Variants in IL1RAPL1 observed in about 807,000 individuals in gnomAD.
The protein encoded by IL1RAPL1 is interleukin-1 receptor accessory protein-like 1.
A neutral mutation model predicts 48.4 loss-of-function variants in IL1RAPL1; 3 were observed. The ratio of observed to expected loss-of-function variants is 0.06; its 90% CI spans 0.03 to 0.16. The LOEUF (loss-of-function observed/expected upper bound fraction) is 0.16, where lower values mean the gene tolerates loss of function less well. Ranked by LOEUF, IL1RAPL1 falls within the 10% of genes least tolerant of loss-of-function variation. IL1RAPL1 has a pLI of 1.00. For synonymous variants in IL1RAPL1, 185 were observed against 187.7 expected (o/e 0.99, Z 0.12); for missense variants, 349 against 530.6 (o/e 0.66, Z 3.36).
intron 2 of IL1RAPL1, among the ~76,000 whole-genome samples, chrX:28,897,830 G>C (rs1489111168): frequency 9.0e-6 from 1 of 111,540 alleles, no homozygotes; most frequent in African/African-American, 3.3e-5. Context: ...AGGGAGTTGG[G>C]GTGGGGCTGT....
intron 6 of IL1RAPL1, among the ~76,000 whole-genome samples, chrX:29,691,044 C>A (rs1160423716): frequency 9.0e-6 from 1 of 111,065 alleles, no homozygotes; most frequent in African/African-American, 3.3e-5. Flanking sequence ...TCAACAATTT[C>A]TTTTAAATAT....
chrX:29,125,690 G>T (rs980133902), intron 2 of IL1RAPL1, among the ~76,000 whole-genome samples: 1 of 111,169 alleles, frequency 9.0e-6, no homozygotes, highest in Non-Finnish European at 1.9e-5. Context: ...TCTTACTTTA[G>T]GGTATAGAAC....
chrX:29,243,476 C>T (rs889628241), intron 2 of IL1RAPL1, among the ~76,000 whole-genome samples: 3 of 111,551 alleles, frequency 2.7e-5, no homozygotes, highest in African/African-American at 9.8e-5. Flanking sequence ...CATACTGTCA[C>T]CCTCTCTCTG....
At chrX:29,732,405 T>C (rs1159442188) in intron 6 of IL1RAPL1, among the ~76,000 whole-genome samples, 1 of 111,667 alleles carries the variant, frequency 9.0e-6, no homozygotes, top group Non-Finnish European at 1.9e-5. Context: ...AATTTGTGAG[T>C]GATATAAAAG....
intron 2 of IL1RAPL1, among the ~76,000 whole-genome samples, chrX:29,245,849 C>A (rs1159287075): frequency 9.0e-6 from 1 of 110,841 alleles, no homozygotes; most frequent in African/African-American, 3.3e-5. Context: ...AAGTCTTTGC[C>A]CATGCCTATG....
intron 2 of IL1RAPL1, among the ~76,000 whole-genome samples, chrX:28,817,855 C>T (rs1346376734): frequency 9.0e-6 from 1 of 110,682 alleles, no homozygotes; most frequent in Non-Finnish European, 1.9e-5. Context: ...ATGGATGTGT[C>T]ACTTACTGGC....
intron 1 of IL1RAPL1, among the ~76,000 whole-genome samples, chrX:28,743,023 A>T (rs1333475600): frequency 1.8e-5 from 2 of 111,755 alleles, no homozygotes; most frequent in Non-Finnish European, 3.8e-5. Flanking sequence ...TATTCCTGAA[A>T]AGAATGCGCT....
chrX:29,714,935 A>G (rs4128144), intron 6 of IL1RAPL1, among the ~76,000 whole-genome samples: 36,476 of 110,620 alleles, frequency 0.33, 4,824 homozygotes, highest in South Asian at 0.49. Flanking sequence ...ATAATCTTCA[A>G]TCTTTCTGTC....
chrX:29,163,722 A>G (rs1392346108), intron 2 of IL1RAPL1, among the ~76,000 whole-genome samples: 3 of 111,560 alleles, frequency 2.7e-5, no homozygotes, highest in Non-Finnish European at 5.6e-5. Context: ...AATTAAAACG[A>G]AGACTAGAGA....
chrX:29,605,071 A>AACACACAC (rs757087732), intron 5 of IL1RAPL1, among the ~76,000 whole-genome samples: 63 of 65,060 alleles, frequency 9.7e-4, no homozygotes, highest in African/African-American at 2.3e-3. Context: ...CTAAGTCTTA[A>AACACACAC]ACACACACAC....
intron 6 of IL1RAPL1, among the ~76,000 whole-genome samples, chrX:29,778,104 G>C (rs958105906): frequency 2.7e-5 from 3 of 110,954 alleles, no homozygotes; most frequent in Non-Finnish European, 3.8e-5. Context: ...TATTGCAACA[G>C]ATATTTTTCC....
chrX:29,616,780 G>A (rs189905047), intron 5 of IL1RAPL1, among the ~76,000 whole-genome samples: 32 of 111,206 alleles, frequency 2.9e-4, no homozygotes, highest in Non-Finnish European at 9.4e-5. Context: ...TATTGAGGGT[G>A]GCAAAGCCCA....
chrX:29,819,983 ATATAAG>A (rs1930575237), intron 6 of IL1RAPL1, among the ~76,000 whole-genome samples: 1 of 106,636 alleles, frequency 9.4e-6, no homozygotes, highest in Non-Finnish European at 1.9e-5. Flanking sequence ...ATACAATATT[ATATAAG>A]TATATTATAT....
intron 1 of IL1RAPL1, among the ~76,000 whole-genome samples, chrX:28,742,903 C>T (rs892191634): frequency 1.8e-5 from 2 of 111,465 alleles, no homozygotes; most frequent in African/African-American, 6.5e-5. Context: ...TCTTTAGGAA[C>T]CTCAATTCAT....
At chrX:28,693,874 A>G (rs776700364) in intron 1 of IL1RAPL1, among the ~76,000 whole-genome samples, 71 of 111,848 alleles carry the variant, frequency 6.3e-4, no homozygotes, top group Non-Finnish European at 1.2e-3. Flanking sequence ...CACTAAATGC[A>G]TCTTTTCAAT....
At chrX:29,831,725 G>A (rs1398514703) in intron 6 of IL1RAPL1, among the ~76,000 whole-genome samples, 3 of 111,498 alleles carry the variant, frequency 2.7e-5, no homozygotes, top group Non-Finnish European at 3.8e-5. Context: ...TCCTGAAAGT[G>A]GAGAGCCTTG....
intron 5 of IL1RAPL1, among the ~76,000 whole-genome samples, chrX:29,420,635 C>A (rs1934279640): frequency 8.9e-6 from 1 of 112,110 alleles, no homozygotes; most frequent in Non-Finnish European, 1.9e-5. Context: ...GCCCTCGAGC[C>A]ACGACTTTGT....
chrX:29,525,860 GC>G (rs1207048439), intron 5 of IL1RAPL1, among the ~76,000 whole-genome samples: 1 of 112,163 alleles, frequency 8.9e-6, no homozygotes, highest in Non-Finnish European at 1.9e-5. Flanking sequence ...CACACATGAA[GC>G]CCCTGACATC....
chrX:28,607,884 A>G (rs762479803), intron 1 of IL1RAPL1, among the ~76,000 whole-genome samples: 8 of 111,153 alleles, frequency 7.2e-5, no homozygotes, highest in Non-Finnish European at 1.3e-4. Flanking sequence ...AGCAGAGTCC[A>G]TCTGTACAGA....
Sources: allele counts gnomAD v4.1 joint callset (sites outside exome capture counted in the v4.1 genomes callset), GRCh38; gene constraint gnomAD v4.1.1; transcripts MANE v1.5; gene names NCBI Gene and HGNC (gene_info 2026-07-23, HGNC 2026-07-21).